Variants in NECTIN3 observed in about 807,000 individuals in gnomAD.
NECTIN3 encodes nectin cell adhesion molecule 3, also known as nectin-3.
A neutral mutation model predicts 49.4 loss-of-function variants in NECTIN3; 8 were observed. The ratio of observed to expected loss-of-function variants is 0.16; its 90% CI spans 0.10 to 0.29. The LOEUF (loss-of-function observed/expected upper bound fraction) is 0.29. NECTIN3 is among the 10% of genes least tolerant of loss of function. The pLI is 1.00. For synonymous variants in NECTIN3, 277 were observed against 241.1 expected (o/e 1.15, Z -1.38); for missense variants, 581 against 654.6 (o/e 0.89, Z 1.23).
intron 1 of NECTIN3, among the ~76,000 whole-genome samples, chr3:111,108,144 A>G (rs1041412319): frequency 6.6e-6 from 1 of 152,158 alleles, no homozygotes; most frequent in African/African-American, 2.4e-5. Context: ...AAAATAAAAG[A>G]TGAAAAATAA....
chr3:111,166,306 C>T (rs1027243057), intron 7 of NECTIN3, among the ~76,000 whole-genome samples: 1 of 152,094 alleles, frequency 6.6e-6, no homozygotes, highest in East Asian at 1.9e-4. Context: ...TATAATCCTC[C>T]CAAGTACCTA....
At chr3:111,121,985 G>A in intron 3 of NECTIN3, 136 bp from the exon 4 acceptor site, 1 of 600,190 alleles carries the variant, frequency 1.7e-6, no homozygotes, top group Non-Finnish European at 2.9e-6. Context: ...CTTCTGTATT[G>A]ATTATACATG....
At chr3:111,078,749 T>A (rs557654922) in intron 1 of NECTIN3, among the ~76,000 whole-genome samples, 1 of 152,302 alleles carries the variant, frequency 6.6e-6, no homozygotes, top group Admixed American at 6.5e-5. Flanking sequence ...AAAATTATTT[T>A]TCCTCTCTTC....
At chr3:111,112,750 G>T (rs72937910) in intron 2 of NECTIN3, among the ~76,000 whole-genome samples, 8,073 of 151,678 alleles carry the variant, frequency 0.053, 311 homozygotes, top group African/African-American at 0.092. Context: ...ATTGAGTTTT[G>T]CATCTAGGAG....
intron 7 of NECTIN3, among the ~76,000 whole-genome samples, chr3:111,163,179 A>G (rs2035250208): frequency 6.6e-6 from 1 of 152,202 alleles, no homozygotes; most frequent in African/African-American, 2.4e-5. Flanking sequence ...CCACTGCCCA[A>G]GGATCTCTTT....
intron 1 of NECTIN3, among the ~76,000 whole-genome samples, chr3:111,073,794 C>A (rs957134792): frequency 6.6e-6 from 1 of 152,120 alleles, no homozygotes; most frequent in Non-Finnish European, 1.5e-5. Context: ...AGACTGAAGC[C>A]AGGTAATATG....
intron 3 of NECTIN3, among the ~76,000 whole-genome samples, chr3:111,120,635 C>A (rs1310044152): frequency 6.6e-6 from 1 of 151,878 alleles, no homozygotes; most frequent in Non-Finnish European, 1.5e-5. Context: ...TTTTGCTTTC[C>A]AGTAGGACAG....
chr3:111,104,513 TCTCA>T (rs756191661), intron 1 of NECTIN3, among the ~76,000 whole-genome samples: 5 of 151,918 alleles, frequency 3.3e-5, no homozygotes, highest in Non-Finnish European at 4.4e-5. Flanking sequence ...AGAGATGGGT[TCTCA>T]CTATGTTGGC....
intron 7 of NECTIN3, among the ~76,000 whole-genome samples, chr3:111,156,133 A>G (rs767502956): frequency 6.6e-6 from 1 of 152,172 alleles, no homozygotes; most frequent in Non-Finnish European, 1.5e-5. Context: ...TGAAAACATG[A>G]CTTTCTTTTA....
intron 1 of NECTIN3, among the ~76,000 whole-genome samples, chr3:111,083,853 A>T (rs541603128): frequency 1.3e-5 from 2 of 152,206 alleles, no homozygotes; most frequent in Non-Finnish European, 2.9e-5. Context: ...TGGACGCTGG[A>T]TGATATAGCC....
At position 111,126,355 on chromosome 3, in the gene NECTIN3, C is replaced by T; in HGVS notation, c.1069+20C>T. 1.3e-6 allele frequency: 2 copies of T among 1,578,574 alleles called. No homozygotes were observed. The highest frequency in any genetic ancestry group is 1.7e-6 in the Non-Finnish European group (2 of 1,159,094). ...TTTCAGGTAAGTTACTATCTGCTTG[C>T]AAAATGAGTTATTTAAAATATTTCT... On this transcript the variant is annotated intron_variant, in intron 5 of 5. Coordinates refer to ENST00000485303, the MANE Select transcript of NECTIN3 (RefSeq NM_015480.3).
At chr3:111,099,769 G>A (rs1470394579) in intron 1 of NECTIN3, among the ~76,000 whole-genome samples, 1 of 152,128 alleles carries the variant, frequency 6.6e-6, no homozygotes, top group Non-Finnish European at 1.5e-5. Context: ...GCTGGGGTTA[G>A]GGGAGTGGGG....
At chr3:111,147,767 G>C (rs955998944) in intron 7 of NECTIN3, among the ~76,000 whole-genome samples, 1 of 152,018 alleles carries the variant, frequency 6.6e-6, no homozygotes, top group South Asian at 2.1e-4. Flanking sequence ...ATTATATTAG[G>C]CTTTTTACTA....
chr3:111,183,941 A>G (rs900676445), intron 7 of NECTIN3, among the ~76,000 whole-genome samples: 2 of 152,138 alleles, frequency 1.3e-5, no homozygotes, highest in African/African-American at 4.8e-5. Context: ...TTCTTCAAAT[A>G]TTATAGTTTT....
chr3:111,073,547 T>C (rs943331792), intron 1 of NECTIN3: 39 of 152,368 alleles, frequency 2.6e-4, no homozygotes, highest in African/African-American at 8.7e-4. Context: ...CCGCAGATAC[T>C]TGGTTCCAAG....
intron 7 of NECTIN3, among the ~76,000 whole-genome samples, chr3:111,181,174 T>C (rs1273297042): frequency 6.6e-6 from 1 of 152,198 alleles, no homozygotes; most frequent in Non-Finnish European, 1.5e-5. Flanking sequence ...TCTGTCACAA[T>C]ATATTAGTTA....
intron 5 of NECTIN3, among the ~76,000 whole-genome samples, chr3:111,131,957 G>C (rs986824036): frequency 6.6e-6 from 1 of 151,736 alleles, no homozygotes; most frequent in African/African-American, 2.4e-5. Context: ...ATCATTGTAA[G>C]GATGACATTC....
At chr3:111,093,871 G>A (rs371054210) in intron 1 of NECTIN3, among the ~76,000 whole-genome samples, 1 of 152,060 alleles carries the variant, frequency 6.6e-6, no homozygotes, top group Non-Finnish European at 1.5e-5. Context: ...TAAAAACAAC[G>A]TAAACAATTG....
chr3:111,075,813 A>C (rs1239928262), intron 1 of NECTIN3, among the ~76,000 whole-genome samples: 1 of 152,146 alleles, frequency 6.6e-6, no homozygotes, highest in Non-Finnish European at 1.5e-5. Flanking sequence ...AATGATGTCC[A>C]GTGCATTTTA....
Sources: gnomAD v4.1 joint callset for allele counts (sites outside exome capture counted in the v4.1 genomes callset) on GRCh38, gnomAD v4.1.1 for gene constraint, MANE v1.5 for transcripts, NCBI Gene and HGNC (gene_info 2026-07-23, HGNC 2026-07-21) for gene names.